The following CCDC14 variants were observed in gnomAD, a reference collection of about 807,000 sequenced individuals.
The protein encoded by CCDC14 is coiled-coil domain-containing protein 14.
Under a neutral mutation model 81.4 loss-of-function variants are expected in CCDC14, and 71 were observed. The ratio of observed to expected loss-of-function variants is 0.87; its 90% CI spans 0.72 to 1.06. CCDC14 has a LOEUF of 1.06. Ranked by LOEUF, CCDC14 falls within the 50% of genes least tolerant of loss-of-function variation. The pLI, the probability that CCDC14 is intolerant of heterozygous loss-of-function variation, is 0.00. For missense variants in CCDC14, 1,046 were observed against 1,047.3 expected, an observed-to-expected ratio of 1.00 and a Z score of 0.02; for synonymous variants, 332 against 364.8, an observed-to-expected ratio of 0.91 and a Z score of 1.03.
intron 5 of CCDC14, among the ~76,000 whole-genome samples, chr3:123,900,535 CAA>C (rs1279610098): frequency 6.6e-6 from 1 of 152,218 alleles, no homozygotes; most frequent in Non-Finnish European, 1.5e-5. Context: ...AGGGAGCCTT[CAA>C]CTCAGTTACG....
At chr3:123,941,087 G>C (rs1241327617) in intron 9 of CCDC14, among the ~76,000 whole-genome samples, 1 of 151,924 alleles carries the variant, frequency 6.6e-6, no homozygotes, top group Admixed American at 6.6e-5. Flanking sequence ...ATATCAGGAG[G>C]TGGTCATGAA....
chr3:123,912,087 A>T (rs1020762425), downstream of CCDC14, among the ~76,000 whole-genome samples: 2 of 152,136 alleles, frequency 1.3e-5, no homozygotes, highest in African/African-American at 4.8e-5. Flanking sequence ...TACTAAATTC[A>T]TTGTAAAGGG....
intron 9 of CCDC14, among the ~76,000 whole-genome samples, chr3:123,939,722 T>C (rs7616295): frequency 0.11 from 16,725 of 151,852 alleles, 2,060 homozygotes; most frequent in East Asian, 0.42. Flanking sequence ...ATTTAACAAA[T>C]ATTTGTTAGA....
intron 10 of CCDC14, among the ~76,000 whole-genome samples, chr3:123,932,959 C>T (rs140645573): frequency 5.7e-4 from 86 of 152,168 alleles, no homozygotes; most frequent in African/African-American, 1.9e-3. Context: ...ATTAGACAGG[C>T]GTGGTGGCAG....
At chr3:123,905,833 GA>G (rs2034295185) in intron 5 of CCDC14, among the ~76,000 whole-genome samples, 1 of 152,150 alleles carries the variant, frequency 6.6e-6, no homozygotes, top group Non-Finnish European at 1.5e-5. Flanking sequence ...AAAGGTATCA[GA>G]AACAATGGAC....
In CCDC14 at chr3:123,915,518, G is replaced by T. The variant is rs1475854425; in HGVS notation, c.1979C>A (p.Pro660Gln). The change falls in exon 13 of 13, where the codon CCA becomes CAA. Residue 660 changes from proline (P) to glutamine (Q), a missense_variant. Pro to Gln is a moderately conservative substitution (Grantham distance 76). Coordinates refer to ENST00000409697, the MANE Select transcript of CCDC14 (RefSeq NM_001366335.1). ...ETNYSFTHSE[P>Q]LSTIKNEETI... ...TTCCTCATTTTTAATTGTAGAAAGT[G>T]GCTCTGAATGTGTAAAACTGTAATT... is the stretch of plus-strand genomic sequence containing the variant. 1 of 1,613,826 alleles carries T rather than the reference G, an allele frequency of 6.2e-7. No homozygotes were observed. Among genetic ancestry groups the T allele is most frequent in the Non-Finnish European group, 8.5e-7 (1 of 1,179,876 alleles).
chr3:123,957,180 T>C (rs929916003), intron 1 of CCDC14: 1 of 152,672 alleles, frequency 6.5e-6, no homozygotes, highest in Non-Finnish European at 1.5e-5. Flanking sequence ...TTTTAATTAA[T>C]GTGATATATC....
intron 12 of CCDC14, among the ~76,000 whole-genome samples, chr3:123,916,468 T>TGTGTGTGTGTGTGTG (rs1559764283): frequency 1.4e-5 from 2 of 146,180 alleles, no homozygotes; most frequent in Admixed American, 1.4e-4. Context: ...ATATATGTGT[T>TGTGTGTGTGTGTGTG]TGTGTGTGTG....
chr3:123,922,864 C>G lies in CCDC14; in HGVS notation c.1779-7146G>C, dbSNP rs932523604. 2.0e-4 allele frequency among the ~76,000 whole-genome samples: 31 copies of G among 152,226 alleles called. 1 individual carries two copies. Among genetic ancestry groups the G allele is most frequent in the Middle Eastern group, 3.4e-3 (1 of 294 alleles). On this transcript the variant is annotated intron_variant, in intron 12 of 12. Transcript: ENST00000409697. ...TCAAAGTGCAGGGAATTTTTCCAAA[C>G]TTGTTTTACATAGAAAACACTGAAC...
chr3:123,885,932 G>A, the CCDC14 span, among the ~76,000 whole-genome samples: 1 of 151,910 alleles, frequency 6.6e-6, no homozygotes, highest in Non-Finnish European at 1.5e-5. Context: ...ATGAATACCT[G>A]CTTTTTTTTA....
chr3:123,928,208 A>T (rs2035481212), intron 12 of CCDC14, among the ~76,000 whole-genome samples: 1 of 151,974 alleles, frequency 6.6e-6, no homozygotes, highest in Admixed American at 6.6e-5. Context: ...TTAAAAAAAG[A>T]CGTATCTGGC....
Position 123,956,038 on chromosome 3 carries a change from A to C in CCDC14, c.229+8T>G, listed in dbSNP as rs1298863114. The C allele has an allele frequency of 6.5e-7, 1 of 1,539,158 alleles. No individual in the cohort carries two copies. The highest frequency in any genetic ancestry group is 1.4e-5 in the African/African-American group (1 of 71,922). On this transcript the variant is annotated splice_region_variant and intron_variant, in intron 4 of 12. Coordinates refer to ENST00000409697, the MANE Select transcript of CCDC14 (RefSeq NM_001366335.1). ...AAGGTGATCAGCAAAGAATTAAAAA[A>C]AAAAAACCTGAATCTTCATTTCTCA... is the stretch of plus-strand genomic sequence containing the variant.
intron 1 of CCDC14, chr3:123,958,141 T>C (rs1367650906): frequency 6.6e-6 from 1 of 152,136 alleles, no homozygotes; most frequent in Non-Finnish European, 1.5e-5. Flanking sequence ...TAAGACCTTG[T>C]ATAACATCAC....
intron 10 of CCDC14, among the ~76,000 whole-genome samples, chr3:123,932,088 C>T (rs1181203265): frequency 1.3e-5 from 2 of 152,158 alleles, no homozygotes; most frequent in Non-Finnish European, 2.9e-5. Context: ...TGAGCAAATA[C>T]ATGCTCAGCG....
chr3:123,915,741 CTAAT>C (rs1245334140), intron 12 of CCDC14, 23 bp from the exon 13 acceptor site: 10 of 1,502,752 alleles, frequency 6.7e-6, no homozygotes, highest in African/African-American at 5.6e-5. Context: ...ATCCAGAACA[CTAAT>C]TATTATTTTT....
rs2036547010 is a variant in CCDC14 at position 123,944,961 on chromosome 3, C to G, written c.1231G>C (p.Glu411Gln). The change falls in exon 9 of 13, where the codon GAA becomes CAA. Residue 411 changes from glutamate to glutamine, a missense_variant. Transcript: ENST00000409697. ...EDSEIQRLIT[E>Q]MEACISVLPT... ...AGTACAGATATACATGCCTCCATTTCTGTAATCAACCTCTGAATTTCTGAA... is the reference window on the plus strand; with the variant it reads ...AGTACAGATATACATGCCTCCATTTGTGTAATCAACCTCTGAATTTCTGAA... 1 of 1,605,438 alleles carries G rather than the reference C, an allele frequency of 6.2e-7. No individual in the cohort carries two copies. The highest frequency in any genetic ancestry group is 1.3e-5 in the African/African-American group (1 of 74,778).
chr3:123,926,341 T>C lies in CCDC14; in HGVS notation c.1778+4761A>G, dbSNP rs545667622. ...ACCTAAACTGTGACAAGCGGATATATTGGTGTTTCTATTATACATAATTCA... is the reference window on the plus strand; with the variant it reads ...ACCTAAACTGTGACAAGCGGATATACTGGTGTTTCTATTATACATAATTCA... On this transcript the variant is annotated intron_variant, in intron 12 of 12. Coordinates refer to ENST00000409697, the MANE Select transcript of CCDC14 (RefSeq NM_001366335.1). Among the ~76,000 whole-genome samples the C allele has an allele frequency of 2.5e-3, 386 of 151,986 alleles. 2 individuals are homozygous for C. The highest frequency in any genetic ancestry group is 8.3e-3 in the African/African-American group (343 of 41,560).
At chr3:123,918,330 T>C (rs1444520728) in intron 12 of CCDC14, among the ~76,000 whole-genome samples, 1 of 152,216 alleles carries the variant, frequency 6.6e-6, no homozygotes, top group Non-Finnish European at 1.5e-5. Flanking sequence ...AATATCTCTA[T>C]TTTTAAAAAA....
chr3:123,926,995 T>C lies in CCDC14; in HGVS notation c.1778+4107A>G, dbSNP rs556041671. 7.2e-5 allele frequency among the ~76,000 whole-genome samples: 11 copies of C among 152,284 alleles called. No individual in the cohort carries two copies. In the South Asian group the frequency reaches 1.2e-3, roughly 17 times the overall value. On this transcript the variant is annotated intron_variant, in intron 12 of 12. Coordinates refer to ENST00000409697, the MANE Select transcript of CCDC14 (RefSeq NM_001366335.1). ...TAAAATGGTCACAGCAATCCACTTA[T>C]AGTACTAGAGATGTTCCTAACCAAT...
Sources: allele counts gnomAD v4.1 joint callset (sites outside exome capture counted in the v4.1 genomes callset), GRCh38; gene constraint gnomAD v4.1.1; transcripts MANE v1.5; gene names NCBI Gene and HGNC (gene_info 2026-07-23, HGNC 2026-07-21).